The following PTPMT1 variants were observed in gnomAD, a reference collection of about 807,000 sequenced individuals.
The protein encoded by PTPMT1 is protein tyrosine phosphatase mitochondrial 1, also known as phosphatidylglycerophosphatase and protein-tyrosine phosphatase 1.
Under a neutral mutation model 17.8 loss-of-function variants are expected in PTPMT1, and 12 were observed. That is an observed-to-expected ratio of 0.67 (90% CI 0.43 to 1.09). The LOEUF is 1.09. PTPMT1 is among the 50% of genes least tolerant of loss of function. PTPMT1 has a pLI of 0.00. For synonymous variants in PTPMT1, 132 were observed against 116.8 expected, an observed-to-expected ratio of 1.13 and a Z score of -0.84; for missense variants, 262 against 266.0, an observed-to-expected ratio of 0.99 and a Z score of 0.10.
intron 2 of PTPMT1, among the ~76,000 whole-genome samples, 169 bp downstream of exon 2, chr11:47,566,155 T>C (rs1043181079): frequency 6.6e-6 from 1 of 152,024 alleles, no homozygotes; most frequent in Non-Finnish European, 1.5e-5. Context: ...GGAGGTAGGC[T>C]AGAAGCTGTG....
At chr11:47,571,413 G>C in intron 3 of PTPMT1, 58 bp from the exon 4 acceptor site, 1 of 1,546,326 alleles carries the variant, frequency 6.5e-7, no homozygotes, top group Admixed American at 1.8e-5. Context: ...CATGGGTCAA[G>C]GGCACCTTGA....
chr11:47,570,109 G>T (rs117309942), intron 3 of PTPMT1, among the ~76,000 whole-genome samples: 5,459 of 149,088 alleles, frequency 0.037, 99 homozygotes, highest in Middle Eastern at 0.066. Context: ...GATCACCGGA[G>T]CCCAGTAGGT....
chr11:47,565,751 C>T lies in PTPMT1; in HGVS notation c.129C>T (p.Pro43=), dbSNP rs1176311281. The change falls in exon 1 of 4, where the codon CCC becomes CCT. Residue 43 remains proline, a synonymous_variant. Transcript: ENST00000326674. The part of the protein sequence containing the change: ...AHRDWYHRID[P]TVLLGALPLR... The stretch of plus-strand genomic sequence containing the variant: ...GGGACTGGTACCACCGCATCGACCC[C>T]ACCGTGCTGCTGGGCGCGCTGCCGT... 2 of 1,594,618 alleles carry T rather than the reference C, an allele frequency of 1.3e-6. No homozygotes were observed. The highest frequency in any genetic ancestry group is 1.7e-6 in the Non-Finnish European group (2 of 1,172,094).
At chr11:47,570,186 CAAAAAA>C (rs548462674) in intron 3 of PTPMT1, among the ~76,000 whole-genome samples, 2 of 85,568 alleles carry the variant, frequency 2.3e-5, no homozygotes, top group Non-Finnish European at 4.6e-5. Flanking sequence ...GAAACTGTCT[CAAAAAA>C]AAAAAAAAAA....
intron 2 of PTPMT1, 40 bp from the exon 3 acceptor site, chr11:47,569,660 T>C (rs1293654498): frequency 2.0e-6 from 3 of 1,537,216 alleles, no homozygotes; most frequent in Non-Finnish European, 2.6e-6. Flanking sequence ...CACATAGTTT[T>C]TTTTCATTCT....
In PTPMT1 at chr11:47,573,061, T is replaced by A. The variant is rs926394120; in HGVS notation, c.*1432T>A. 1 of 1,614,116 alleles carries A rather than the reference T, an allele frequency of 6.2e-7. No homozygotes were observed. The highest frequency in any genetic ancestry group is 1.3e-5 in the African/African-American group (1 of 75,010). On this transcript the variant is annotated 3_prime_UTR_variant, in exon 4 of 4. Coordinates refer to ENST00000326674, the MANE Select transcript of PTPMT1 (RefSeq NM_175732.3). The surrounding 1 kb of genome is among the most constrained non-coding windows in gnomAD (Gnocchi z 4.1). ...TTATATCGGTCCCGGAAGACATAGA[T>A]GCTCCCGTTACAGCTGGCAATCTTC...
chr11:47,573,334 C>G lies in PTPMT1; in HGVS notation c.*1705C>G. 6.2e-7 allele frequency: 1 copy of G among 1,614,236 alleles called. No individual in the cohort carries two copies. Among genetic ancestry groups the G allele is most frequent in the African/African-American group, 1.3e-5 (1 of 75,050 alleles). On this transcript the variant is annotated 3_prime_UTR_variant, in exon 4 of 4. Coordinates refer to ENST00000326674, the MANE Select transcript of PTPMT1 (RefSeq NM_175732.3). This position sits in a 1 kb window ranked among gnomAD's most constrained non-coding sequence, Gnocchi z 4.1. ...AAGAAGTCCAGATCATTCTCCTCCC[C>G]CCCTAGTAAGTAGATGATCCCGTTG...
chr11:47,566,011 G>C, intron 2 of PTPMT1, 25 bp downstream of exon 2: 1 of 1,421,300 alleles, frequency 7.0e-7, no homozygotes, highest in Non-Finnish European at 9.1e-7. Context: ...CGAGGGGCAG[G>C]CTCGGGGGCC....
intron 2 of PTPMT1, among the ~76,000 whole-genome samples, chr11:47,568,110 CG>C (rs1212260881): frequency 1.3e-5 from 2 of 151,600 alleles, no homozygotes; most frequent in Non-Finnish European, 2.9e-5. Flanking sequence ...TTAGTAGAGA[CG>C]GGGTTTCACC....
rs1001981342 is a variant in PTPMT1 at position 47,573,244 on chromosome 11, A to C, written c.*1615A>C. 6 of 1,614,148 alleles carry C rather than the reference A, an allele frequency of 3.7e-6. No individual in the cohort carries two copies. The highest frequency in any genetic ancestry group is 5.1e-6 in the Non-Finnish European group (6 of 1,180,026). On this transcript the variant is annotated 3_prime_UTR_variant, in exon 4 of 4. Coordinates refer to ENST00000326674, the MANE Select transcript of PTPMT1 (RefSeq NM_175732.3). This position sits in a 1 kb window ranked among gnomAD's most constrained non-coding sequence, Gnocchi z 4.1. ...ATGCGGCCTGCAAAGGGCAGCACAT[A>C]GGGCTTCACATGGCATTTGTCTGTC...
intron 2 of PTPMT1, among the ~76,000 whole-genome samples, chr11:47,566,320 C>A (rs1333200591): frequency 6.6e-6 from 1 of 151,836 alleles, no homozygotes; most frequent in Non-Finnish European, 1.5e-5. Context: ...CCCGTCCCTA[C>A]AAAAATACAA....
At chr11:47,566,115 G>A (rs891977357) in intron 2 of PTPMT1, 129 bp downstream of exon 2, 2 of 1,057,858 alleles carry the variant, frequency 1.9e-6, no homozygotes, top group African/African-American at 3.3e-5. Context: ...AAGCTGCTTT[G>A]CCTCCGGTCT....
intron 2 of PTPMT1, among the ~76,000 whole-genome samples, chr11:47,566,981 G>T (rs1353113259): frequency 6.6e-6 from 1 of 151,798 alleles, no homozygotes; most frequent in African/African-American, 2.4e-5. Context: ...TTTTAATGTT[G>T]CCCTATCTTT....
chr11:47,568,650 C>G (rs1344640383), intron 2 of PTPMT1, among the ~76,000 whole-genome samples: 2 of 152,094 alleles, frequency 1.3e-5, no homozygotes, highest in Non-Finnish European at 2.9e-5. Flanking sequence ...TACCACTGCT[C>G]TCTGACCTGG....
At chr11:47,571,421 T>G in intron 3 of PTPMT1, 50 bp from the exon 4 acceptor site, 1 of 1,589,868 alleles carries the variant, frequency 6.3e-7, no homozygotes, top group South Asian at 1.1e-5. Flanking sequence ...AAGGGCACCT[T>G]GACACCTGCT....
chr11:47,573,198 T>C lies in PTPMT1; in HGVS notation c.*1569T>C. The C allele has an allele frequency of 6.2e-7, 1 of 1,614,094 alleles. No homozygotes were observed. The highest frequency in any genetic ancestry group is 8.5e-7 in the Non-Finnish European group (1 of 1,180,026). ...CCCTTCAGCCACGATGAACACCAGA[T>C]CTTTATGCACAGCTGCGTGCATGCG... is the stretch of plus-strand genomic sequence containing the variant. On this transcript the variant is annotated 3_prime_UTR_variant, in exon 4 of 4. Coordinates refer to ENST00000326674, the MANE Select transcript of PTPMT1 (RefSeq NM_175732.3). The surrounding 1 kb of genome is among the most constrained non-coding windows in gnomAD (Gnocchi z 4.1).
In PTPMT1 at chr11:47,569,892, G is replaced by C. The variant is rs535627948; in HGVS notation, c.447+1G>C. On this transcript the variant is annotated splice_donor_variant, in intron 3 of 3. Coordinates refer to ENST00000326674, the MANE Select transcript of PTPMT1 (RefSeq NM_175732.3). LOFTEE classifies it high-confidence loss of function. ...TATGGTGGCAGCATACCTGATTCAG[G>C]TACCAAAGTTCTTTCTGGGCTGGGC... The C allele has an allele frequency of 1.9e-6, 3 of 1,610,402 alleles. No individual in the cohort carries two copies. The highest frequency in any genetic ancestry group is 2.5e-6 in the Non-Finnish European group (3 of 1,178,580).
At chr11:47,567,775 G>A (rs978328449) in intron 2 of PTPMT1, among the ~76,000 whole-genome samples, 33 of 151,476 alleles carry the variant, frequency 2.2e-4, no homozygotes, top group African/African-American at 7.3e-4. Flanking sequence ...GGCCAAAGTC[G>A]TCTCGAACTC....
In PTPMT1 at chr11:47,571,700, C is replaced by T; in HGVS notation, c.*71C>T. On this transcript the variant is annotated 3_prime_UTR_variant, in exon 4 of 4. Transcript: ENST00000326674. ...AACAAAAAGAGCTTAACAGGACCAA[C>T]AGGGCTTAAGCCCAGACTTGACGTA... 1 of 1,452,442 alleles carries T rather than the reference C, an allele frequency of 6.9e-7. No individual in the cohort carries two copies. Among genetic ancestry groups the T allele is most frequent in the Admixed American group, 1.9e-5 (1 of 51,674 alleles). The allele number at this position is 1,452,442 out of a possible 1,614,324, so 90.0% of individuals were successfully genotyped here.
Sources: gnomAD v4.1 joint callset for allele counts (sites outside exome capture counted in the v4.1 genomes callset) on GRCh38, gnomAD v4.1.1 for gene constraint, Gnocchi (gnomAD v3.1) non-coding constraint, MANE v1.5 for transcripts, NCBI Gene and HGNC (gene_info 2026-07-23, HGNC 2026-07-21) for gene names.